MEGF11: variants seen among roughly 807,000 people sequenced by gnomAD.
The protein encoded by MEGF11 is multiple epidermal growth factor-like domains protein 11.
MEGF11 carries 126 observed loss-of-function variants against 146.6 expected under a neutral mutation model. The ratio of observed to expected loss-of-function variants is 0.86; its 90% CI spans 0.74 to 1.00. The LOEUF (loss-of-function observed/expected upper bound fraction) is 1.00. MEGF11 is among the 50% of genes least tolerant of loss of function. The probability of loss-of-function intolerance (pLI) is 0.00; values close to 1 mark genes in which losing one functional copy is unlikely to be tolerated. For missense variants in MEGF11, 1,509 were observed against 1,521.2 expected, an observed-to-expected ratio of 0.99 and a Z score of 0.13; for synonymous variants, 532 against 583.4, an observed-to-expected ratio of 0.91 and a Z score of 1.27.
intron 25 of MEGF11, chr15:65,898,398 C>A: frequency 3.0e-6 from 3 of 985,200 alleles, no homozygotes; most frequent in Non-Finnish European, 3.6e-6. Flanking sequence ...TTGTTGATGT[C>A]TCTGATTGCT....
chr15:66,024,031 C>G (rs1317352386), intron 5 of MEGF11, among the ~76,000 whole-genome samples: 1 of 152,142 alleles, frequency 6.6e-6, no homozygotes, highest in Non-Finnish European at 1.5e-5. Flanking sequence ...CCAGCAGAAA[C>G]CAGGTGGGTG....
intron 12 of MEGF11, 136 bp from the exon 13 acceptor site, chr15:65,928,663 C>T: frequency 1.9e-6 from 1 of 513,982 alleles, no homozygotes; most frequent in Non-Finnish European, 3.4e-6. Context: ...CAAAACTGAG[C>T]CAGAACCCCA....
chr15:66,049,607 G>C (rs1156319449), intron 5 of MEGF11, among the ~76,000 whole-genome samples: 2 of 151,850 alleles, frequency 1.3e-5, no homozygotes, highest in African/African-American at 4.9e-5. Flanking sequence ...GCATGTTAAC[G>C]GGTTTGCTGG....
chr15:66,192,485 T>TAAAATAAAA (rs1395369911), intron 1 of MEGF11, among the ~76,000 whole-genome samples: 1 of 59,724 alleles, frequency 1.7e-5, no homozygotes, highest in Non-Finnish European at 3.0e-5. Flanking sequence ...TAAAATAAAA[T>TAAAATAAAA]AAAATAAAAT....
intron 1 of MEGF11, among the ~76,000 whole-genome samples, chr15:66,138,851 G>A (rs1448790973): frequency 6.6e-6 from 1 of 152,204 alleles, no homozygotes; most frequent in African/African-American, 2.4e-5. Context: ...CAGCATGGCT[G>A]GGTTTGGCAT....
chr15:66,067,860 G>A (rs1198792437), intron 5 of MEGF11, among the ~76,000 whole-genome samples: 1 of 152,166 alleles, frequency 6.6e-6, no homozygotes, highest in African/African-American at 2.4e-5. Context: ...AGACAGCAGG[G>A]CTAAGCATTC....
intron 1 of MEGF11, among the ~76,000 whole-genome samples, chr15:66,168,401 C>T (rs1053762880): frequency 6.6e-6 from 1 of 152,158 alleles, no homozygotes; most frequent in African/African-American, 2.4e-5. Flanking sequence ...GCAGAACACC[C>T]ACAGTTGTGT....
intron 1 of MEGF11, among the ~76,000 whole-genome samples, chr15:66,225,439 G>T (rs1248674930): frequency 6.6e-6 from 1 of 152,248 alleles, no homozygotes; most frequent in East Asian, 1.9e-4. Flanking sequence ...TGAGGAGCGG[G>T]GAGACCAGCG....
chr15:66,111,979 G>A (rs2087442860), intron 4 of MEGF11, among the ~76,000 whole-genome samples: 1 of 151,978 alleles, frequency 6.6e-6, no homozygotes. Context: ...TTGAACCGGG[G>A]GAAACCATTA....
chr15:66,034,408 T>G lies in MEGF11; in HGVS notation c.395-51920A>C, dbSNP rs1029918071. On this transcript the variant is annotated intron_variant, in intron 5 of 25. Transcript: ENST00000395614. Reference sequence around the variant, plus strand: ...TGGGGTGGAATGCTGGTTTTTTTTTTTTTGTTTTTGTTTTTTGGTTTTTCT... The same window carrying G: ...TGGGGTGGAATGCTGGTTTTTTTTTGTTTGTTTTTGTTTTTTGGTTTTTCT... Among the ~76,000 whole-genome samples the G allele has an allele frequency of 1.1e-3, 174 of 151,940 alleles. 1 individual carries two copies. The highest frequency in any genetic ancestry group is 6.8e-3 in the Middle Eastern group (2 of 294).
At chr15:65,963,467 G>A (rs2080941419) in intron 9 of MEGF11, among the ~76,000 whole-genome samples, 1 of 151,002 alleles carries the variant, frequency 6.6e-6, no homozygotes, top group Non-Finnish European at 1.5e-5. Flanking sequence ...CTCTGATATT[G>A]GGTAATTCAT....
intron 1 of MEGF11, among the ~76,000 whole-genome samples, chr15:66,133,890 GTC>G (rs1393517702): frequency 6.6e-6 from 1 of 152,230 alleles, no homozygotes; most frequent in Non-Finnish European, 1.5e-5. Flanking sequence ...CCAATGTGGA[GTC>G]TCTGCCAGGT....
chr15:66,097,610 G>A (rs1345283149), intron 4 of MEGF11, among the ~76,000 whole-genome samples: 15 of 152,086 alleles, frequency 9.9e-5, no homozygotes. Flanking sequence ...GACAGCACCA[G>A]CCGTGTGATG....
intron 24 of MEGF11, among the ~76,000 whole-genome samples, chr15:65,903,807 G>T (rs1250953413): frequency 6.6e-6 from 1 of 152,176 alleles, no homozygotes; most frequent in Admixed American, 6.5e-5. Context: ...CCATGTTTTG[G>T]TAAGTATTGT....
intron 5 of MEGF11, among the ~76,000 whole-genome samples, chr15:66,013,135 G>T (rs2082762471): frequency 6.6e-6 from 1 of 152,216 alleles, no homozygotes; most frequent in Non-Finnish European, 1.5e-5. Flanking sequence ...TCAAGTCTTT[G>T]TCCTCCATGC....
intron 13 of MEGF11, among the ~76,000 whole-genome samples, chr15:65,923,975 G>A (rs2079271153): frequency 6.6e-6 from 1 of 152,178 alleles, no homozygotes; most frequent in South Asian, 2.1e-4. Flanking sequence ...GCTTCAGCAG[G>A]TGAATATCAG....
At chr15:65,937,513 G>T (rs997103589) in intron 10 of MEGF11, among the ~76,000 whole-genome samples, 1 of 152,210 alleles carries the variant, frequency 6.6e-6, no homozygotes, top group Non-Finnish European at 1.5e-5. Flanking sequence ...TGAGGCTATT[G>T]AAACCAGTCT....
chr15:66,121,092 A>G (rs1036541820), intron 3 of MEGF11, among the ~76,000 whole-genome samples: 2 of 152,214 alleles, frequency 1.3e-5, no homozygotes, highest in African/African-American at 2.4e-5. Flanking sequence ...GCTGCAAGGC[A>G]ACTTAATAAT....
chr15:66,150,315 T>A (rs1310023765), intron 1 of MEGF11, among the ~76,000 whole-genome samples: 1 of 152,244 alleles, frequency 6.6e-6, no homozygotes, highest in East Asian at 1.9e-4. Context: ...TTAACAAATA[T>A]TGTGCTATTC....
Sources: gnomAD v4.1 joint callset for allele counts (sites outside exome capture counted in the v4.1 genomes callset) on GRCh38, gnomAD v4.1.1 for gene constraint, MANE v1.5 for transcripts, NCBI Gene and HGNC (gene_info 2026-07-23, HGNC 2026-07-21) for gene names.